GLIS3: variants seen among roughly 807,000 people sequenced by gnomAD.
GLIS3 encodes the protein zinc finger protein GLIS3.
Under a neutral mutation model 78.6 loss-of-function variants are expected in GLIS3, and 53 were observed. That is an observed-to-expected ratio of 0.67 (90% confidence interval 0.54 to 0.85). GLIS3 has a LOEUF of 0.85. Among genes scored for constraint, GLIS3 ranks in the 40% least tolerant of loss-of-function variants. The probability of loss-of-function intolerance (pLI) is 0.00; values close to 1 mark genes in which losing one functional copy is unlikely to be tolerated. For missense variants in GLIS3, 1,703 were observed against 1,231.1 expected (o/e 1.38, Z -5.74); for synonymous variants, 684 against 509.9 (o/e 1.34, Z -4.60).
the GLIS3 span, among the ~76,000 whole-genome samples, chr9:4,490,102 G>A: frequency 6.6e-6 from 1 of 152,232 alleles, no homozygotes; most frequent in African/African-American, 2.4e-5. Flanking sequence ...GGAAATAGCT[G>A]GTGTGGAGAA....
intron 4 of GLIS3, among the ~76,000 whole-genome samples, chr9:3,949,384 T>C (rs887564165): frequency 2.0e-5 from 3 of 152,138 alleles, no homozygotes; most frequent in African/African-American, 7.2e-5. Context: ...GCGGTATGCA[T>C]CTGTGAGCCA....
chr9:4,051,220 A>C (rs1825725430), intron 4 of GLIS3, among the ~76,000 whole-genome samples: 1 of 152,222 alleles, frequency 6.6e-6, no homozygotes, highest in African/African-American at 2.4e-5. Context: ...GAGGAAATTC[A>C]AACATGGCTT....
chr9:4,130,153 G>A (rs1163485957), intron 2 of GLIS3, among the ~76,000 whole-genome samples: 1 of 152,164 alleles, frequency 6.6e-6, no homozygotes, highest in East Asian at 1.9e-4. Context: ...CTAACAACAT[G>A]TGTTTATATA....
intron 4 of GLIS3, among the ~76,000 whole-genome samples, chr9:3,971,349 C>T (rs1230358693): frequency 6.6e-6 from 1 of 152,124 alleles, no homozygotes; most frequent in Non-Finnish European, 1.5e-5. Flanking sequence ...CACAAAGCAG[C>T]CCTTACTCGG....
intron 9 of GLIS3, among the ~76,000 whole-genome samples, chr9:3,850,296 G>A (rs1185406250): frequency 6.6e-6 from 1 of 152,212 alleles, no homozygotes; most frequent in African/African-American, 2.4e-5. Flanking sequence ...AAGGCTGGAT[G>A]TGCACCTCTG....
intron 2 of GLIS3, among the ~76,000 whole-genome samples, chr9:4,282,284 A>G (rs1827628469): frequency 6.6e-6 from 1 of 152,210 alleles, no homozygotes; most frequent in East Asian, 1.9e-4. Flanking sequence ...TGACTGGGCC[A>G]CTTGGTGCCC....
At chr9:4,070,369 T>C (rs755202237) in intron 4 of GLIS3, among the ~76,000 whole-genome samples, 11 of 152,150 alleles carry the variant, frequency 7.2e-5, no homozygotes, top group African/African-American at 1.2e-4. Flanking sequence ...CTGGGAAGTT[T>C]TGTTTGTTAA....
chr9:4,161,790 C>T (rs1348723106), intron 2 of GLIS3, among the ~76,000 whole-genome samples: 1 of 151,434 alleles, frequency 6.6e-6, no homozygotes, highest in South Asian at 2.1e-4. Context: ...AGCAATCCTC[C>T]CCACTCAGCC....
intron 2 of GLIS3, among the ~76,000 whole-genome samples, chr9:4,219,589 C>T (rs1291131997): frequency 6.6e-6 from 1 of 152,114 alleles, no homozygotes; most frequent in African/African-American, 2.4e-5. Flanking sequence ...ACAGTCACAT[C>T]TCTCATACCC....
At chr9:4,089,686 G>C (rs1293066756) in intron 4 of GLIS3, among the ~76,000 whole-genome samples, 1 of 152,066 alleles carries the variant, frequency 6.6e-6, no homozygotes, top group Non-Finnish European at 1.5e-5. Flanking sequence ...AGGCATGGTG[G>C]TGTATACATG....
chr9:4,174,560 T>C (rs952804303), intron 2 of GLIS3, among the ~76,000 whole-genome samples: 3 of 152,226 alleles, frequency 2.0e-5, no homozygotes, highest in African/African-American at 7.2e-5. Flanking sequence ...GATTCCTATA[T>C]ATATAATCAA....
chr9:3,965,884 A>T (rs980531226), intron 4 of GLIS3, among the ~76,000 whole-genome samples: 6 of 152,224 alleles, frequency 3.9e-5, no homozygotes, highest in African/African-American at 1.4e-4. Context: ...ACAACCTCAC[A>T]TAACTATAAC....
chr9:3,898,009 A>T (rs1822985952), intron 7 of GLIS3, among the ~76,000 whole-genome samples: 1 of 152,258 alleles, frequency 6.6e-6, no homozygotes, highest in African/African-American at 2.4e-5. Context: ...ATCACTAATT[A>T]TGTTTGCATA....
rs114010705 is a variant in GLIS3 at position 4,286,337 on chromosome 9, G to A, written c.89C>T (p.Ala30Val). ...AGGAGTCCCGGAGTGGGCTCGGATGGCAGGAATGTGATGACCACTGACCAT... is the reference window on the plus strand; with the variant it reads ...AGGAGTCCCGGAGTGGGCTCGGATGACAGGAATGTGATGACCACTGACCAT... ...PRMVSGHHIP[A>V]IRAHSGTPGP... is the part of the protein sequence containing the mutation. Residue 30 changes from alanine to valine, a missense_variant, in exon 2 of 11, where the codon GCC (alanine) becomes GTC (valine). Transcript: ENST00000381971. The A allele has an allele frequency of 3.6e-5, 58 of 1,614,220 alleles. No homozygotes were observed. In the African/African-American group the frequency reaches 6.9e-4, roughly 19 times the overall value.
chr9:4,073,986 G>C (rs1170267616), intron 4 of GLIS3, among the ~76,000 whole-genome samples: 1 of 152,132 alleles, frequency 6.6e-6, no homozygotes. Context: ...TACGAACTGA[G>C]AGCCAAGGTG....
intron 1 of GLIS3, among the ~76,000 whole-genome samples, chr9:4,296,900 T>A (rs1416841918): frequency 1.4e-5 from 1 of 69,738 alleles, no homozygotes; most frequent in Admixed American, 2.0e-4. Flanking sequence ...TTGTTCTCAA[T>A]TGCAAAAAAA....
intron 2 of GLIS3, among the ~76,000 whole-genome samples, chr9:4,206,898 AG>A (rs1208236685): frequency 2.0e-5 from 3 of 152,270 alleles, no homozygotes; most frequent in Admixed American, 1.3e-4. Context: ...GCTGGGAGGA[AG>A]GGGGGAGGAC....
intron 4 of GLIS3, among the ~76,000 whole-genome samples, chr9:4,040,034 G>A (rs916875887): frequency 1.3e-5 from 2 of 152,266 alleles, no homozygotes; most frequent in Middle Eastern, 3.4e-3. Context: ...ATTCCAAACA[G>A]AGGGTAACTG....
At chr9:3,840,605 A>G (rs1268895584) in intron 9 of GLIS3, among the ~76,000 whole-genome samples, 2 of 152,230 alleles carry the variant, frequency 1.3e-5, no homozygotes, top group Non-Finnish European at 2.9e-5. Context: ...AATGGAAATA[A>G]TAACCCTGAA....
Sources: gnomAD v4.1 joint callset for allele counts (sites outside exome capture counted in the v4.1 genomes callset) on GRCh38, gnomAD v4.1.1 for gene constraint, MANE v1.5 for transcripts, NCBI Gene and HGNC (gene_info 2026-07-23, HGNC 2026-07-21) for gene names.